Variants in SHISAL2A observed in about 807,000 individuals in gnomAD.
The protein encoded by SHISAL2A is protein shisa-like-2A.
A neutral mutation model predicts 11.5 loss-of-function variants in SHISAL2A; 18 were observed. The observed-to-expected ratio is 1.57, with a 90% CI of 1.08 to 2.33. The LOEUF is 2.33. Among genes scored for constraint, SHISAL2A ranks in the 30% most tolerant of loss-of-function variants. The probability of loss-of-function intolerance (pLI) is 0.00; values close to 1 mark genes in which losing one functional copy is unlikely to be tolerated. For synonymous variants in SHISAL2A, 94 were observed against 99.6 expected, an observed-to-expected ratio of 0.94 and a Z score of 0.34; for missense variants, 261 against 250.9, an observed-to-expected ratio of 1.04 and a Z score of -0.27.
intron 2 of SHISAL2A, among the ~76,000 whole-genome samples, chr1:52,650,948 C>A (rs566559762): frequency 5.6e-4 from 83 of 147,852 alleles, no homozygotes; most frequent in African/African-American, 2.0e-3. Context: ...CCTGGCCTAA[C>A]CTTTTTTTTT....
At chr1:52,645,680 A>T (rs923200477) in intron 2 of SHISAL2A, among the ~76,000 whole-genome samples, 1 of 152,200 alleles carries the variant, frequency 6.6e-6, no homozygotes, top group South Asian at 2.1e-4. Context: ...AAGTGCTGGG[A>T]TTACAGGTGT....
chr1:52,666,495 G>A lies in SHISAL2A; in HGVS notation n.696-904G>A, dbSNP rs548242233. 6.6e-4 allele frequency among the ~76,000 whole-genome samples: 101 copies of A among 152,172 alleles called. 3 individuals are homozygous for A. In the South Asian group the frequency reaches 0.02, roughly 30 times the overall value. ...ATTAAATGCAGTGTACCACCAAGATGTCCATGTCCAGCCCCATAGCACCAC... is the reference window on the plus strand; with the variant it reads ...ATTAAATGCAGTGTACCACCAAGATATCCATGTCCAGCCCCATAGCACCAC... On this transcript the variant is annotated intron_variant and non_coding_transcript_variant, in intron 4 of 5. Coordinates refer to the SHISAL2A transcript ENST00000401050.
intron 2 of SHISAL2A, among the ~76,000 whole-genome samples, chr1:52,645,322 C>T (rs574609907): frequency 2.0e-5 from 3 of 152,280 alleles, no homozygotes; most frequent in African/African-American, 4.8e-5. Context: ...ACCTGAGAGG[C>T]AGTGGCAGGG....
At chr1:52,664,449 G>A (rs1458874519) in intron 4 of SHISAL2A, among the ~76,000 whole-genome samples, 2 of 151,206 alleles carry the variant, frequency 1.3e-5, no homozygotes, top group Non-Finnish European at 2.9e-5. Context: ...TCCACCTCCC[G>A]GGTTCAAGCG....
upstream of SHISAL2A, among the ~76,000 whole-genome samples, chr1:52,633,047 G>C (rs1691160093): frequency 6.6e-6 from 1 of 151,920 alleles, no homozygotes; most frequent in Admixed American, 6.5e-5. The surrounding 1 kb of genome is among the most constrained non-coding windows in gnomAD (Gnocchi z 6.4). Flanking sequence ...CAGGTAAGGC[G>C]CCCGCGCCCT....
intron 2 of SHISAL2A, among the ~76,000 whole-genome samples, chr1:52,652,031 A>G (rs1400791945): frequency 6.6e-6 from 1 of 152,242 alleles, no homozygotes; most frequent in Non-Finnish European, 1.5e-5. Context: ...GGGATTCCCC[A>G]GAGCCCTGGC....
chr1:52,659,250 A>G (rs934169722), downstream of SHISAL2A, among the ~76,000 whole-genome samples: 16 of 151,658 alleles, frequency 1.1e-4, no homozygotes, highest in South Asian at 2.3e-3. Context: ...TTTTTTTTTT[A>G]TCGAGACGGG....
At chr1:52,638,747 G>A (rs1214627121) in intron 1 of SHISAL2A, among the ~76,000 whole-genome samples, 1 of 152,198 alleles carries the variant, frequency 6.6e-6, no homozygotes. Flanking sequence ...CCCACCTGAC[G>A]GCCAGGAAGC....
intron 2 of SHISAL2A, among the ~76,000 whole-genome samples, chr1:52,648,691 C>G (rs1429845009): frequency 6.6e-6 from 1 of 152,126 alleles, no homozygotes; most frequent in African/African-American, 2.4e-5. Flanking sequence ...AGATGATTTG[C>G]ACAAGGGTCA....
rs372921320 is a variant in SHISAL2A, at chr1:52,656,899, G to A, written c.432G>A (p.Leu144=). The A allele has an allele frequency of 7.4e-6, 12 of 1,614,036 alleles. No individual in the cohort carries two copies. Among genetic ancestry groups the A allele is most frequent in the Non-Finnish European group, 1.0e-5 (12 of 1,180,038 alleles). The change falls in exon 3 of 3, where the codon CTG becomes CTA. Residue 144 remains leucine, a synonymous_variant. Coordinates refer to ENST00000517870, the MANE Select transcript of SHISAL2A (RefSeq NM_001042693.3). ...GTTACTCCTGCTTGAACCCGCAGCT[G>A]GAGAGCAATGAGGGGCAGGCTGTGA... is the stretch of plus-strand genomic sequence containing the variant. ...QQSYSCLNPQ[L]ESNEGQAVNS...
At chr1:52,664,302 T>TGCAA (rs1691966668) in intron 4 of SHISAL2A, among the ~76,000 whole-genome samples, 1 of 151,924 alleles carries the variant, frequency 6.6e-6, no homozygotes, top group African/African-American at 2.4e-5. Context: ...GCCATTCTCC[T>TGCAA]GCCTCAGCCT....
At chr1:52,642,322 G>A (rs1469359852) in intron 1 of SHISAL2A, among the ~76,000 whole-genome samples, 1 of 152,132 alleles carries the variant, frequency 6.6e-6, no homozygotes, top group Admixed American at 6.5e-5. Context: ...TGAGTCCTTG[G>A]CATATAGTTG....
intron 4 of SHISAL2A, among the ~76,000 whole-genome samples, chr1:52,663,559 GA>G (rs1436762811): frequency 6.6e-6 from 1 of 152,110 alleles, no homozygotes; most frequent in Non-Finnish European, 1.5e-5. Flanking sequence ...TCATGAGGTC[GA>G]GACCAGCCTG....
intron 1 of SHISAL2A, among the ~76,000 whole-genome samples, chr1:52,639,098 G>A (rs479580): frequency 0.34 from 51,175 of 151,850 alleles, 11,555 homozygotes; most frequent in African/African-American, 0.62. Context: ...ACTTGAGCCC[G>A]GAAGGTTGAG....
chr1:52,659,945 CGGCCTAA>C (rs1691871722), downstream of SHISAL2A, among the ~76,000 whole-genome samples: 1 of 152,148 alleles, frequency 6.6e-6, no homozygotes, highest in South Asian at 2.1e-4. Context: ...TGGTCATCCG[CGGCCTAA>C]GGCAGTGGTT....
chr1:52,643,035 C>G (rs560791248), intron 2 of SHISAL2A, 33 bp downstream of exon 2: 2 of 1,609,132 alleles, frequency 1.2e-6, no homozygotes, highest in Non-Finnish European at 1.7e-6. Context: ...TCCTTGTATT[C>G]GGTAGACTAG....
At chr1:52,652,192 G>A (rs1212730796) in intron 2 of SHISAL2A, among the ~76,000 whole-genome samples, 1 of 152,226 alleles carries the variant, frequency 6.6e-6, no homozygotes, top group Non-Finnish European at 1.5e-5. Flanking sequence ...GAGACTCTGG[G>A]CTCACAGCCT....
chr1:52,650,185 T>C (rs1431792652), intron 2 of SHISAL2A, among the ~76,000 whole-genome samples: 1 of 152,210 alleles, frequency 6.6e-6, no homozygotes, highest in Admixed American at 6.5e-5. Context: ...GAACCAAACA[T>C]GCTTCAGTCA....
At chr1:52,639,780 C>A (rs1461209059) in intron 1 of SHISAL2A, among the ~76,000 whole-genome samples, 1 of 152,036 alleles carries the variant, frequency 6.6e-6, no homozygotes, top group Admixed American at 6.6e-5. Flanking sequence ...ATATTAAAAT[C>A]TAAAAGATCT....
Sources: gnomAD v4.1 joint callset for allele counts (sites outside exome capture counted in the v4.1 genomes callset) on GRCh38, gnomAD v4.1.1 for gene constraint, Gnocchi (gnomAD v3.1) non-coding constraint, MANE v1.5 for transcripts, NCBI Gene and HGNC (gene_info 2026-07-23, HGNC 2026-07-21) for gene names.